Variants in COL4A3 observed in about 807,000 individuals in gnomAD.
COL4A3 encodes collagen type IV alpha 3 chain.
COL4A3 carries 135 observed loss-of-function variants against 217.4 expected under a neutral mutation model. That is an observed-to-expected ratio of 0.62 (90% CI 0.54 to 0.72). The LOEUF is 0.72. Among genes scored for constraint, COL4A3 ranks in the 30% least tolerant of loss-of-function variants. COL4A3 has a pLI of 0.00. For synonymous variants in COL4A3, 690 were observed against 736.3 expected (o/e 0.94, Z 1.02); for missense variants, 1,868 against 2,119.9 (o/e 0.88, Z 2.33).
At chr2:227,302,677 CAAAAAAAA>C (rs56065709) in intron 43 of COL4A3, among the ~76,000 whole-genome samples, 23 of 79,914 alleles carry the variant, frequency 2.9e-4, no homozygotes, top group East Asian at 1.7e-3. Flanking sequence ...ACTCTTTCTC[CAAAAAAAA>C]AAAAAAAAAA....
intron 2 of COL4A3, 33 bp downstream of exon 2, chr2:227,238,057 C>T: frequency 1.5e-6 from 2 of 1,373,544 alleles, no homozygotes; most frequent in Non-Finnish European, 2.1e-6. Context: ...CTTGTTTACA[C>T]TGTAAAGCTC....
chr2:227,266,886 C>T, intron 22 of COL4A3, 107 bp from the exon 23 acceptor site: 1 of 779,438 alleles, frequency 1.3e-6, no homozygotes, highest in Non-Finnish European at 2.3e-6. Flanking sequence ...ATTTTCACTA[C>T]ATAAAAATGT....
Position 227,199,846 on chromosome 2 carries a change from A to G in COL4A3, c.87+35033A>G, listed in dbSNP as rs2066616419. On this transcript the variant is annotated intron_variant, in intron 1 of 51. Coordinates refer to ENST00000396578, the MANE Select transcript of COL4A3 (RefSeq NM_000091.5). ...TAAAAATGTAAAAACAAACAAACAA[A>G]CAAAAAACTAGTCCGAAGGATGGAT... Among the ~76,000 whole-genome samples, 3 of 152,362 alleles carry G rather than the reference A, an allele frequency of 2.0e-5. No individual in the cohort carries two copies. In the South Asian group the frequency reaches 6.2e-4, roughly 32 times the overall value.
rs760203599 is a variant in COL4A3, at chr2:227,266,446, G to C, written c.1345G>C (p.Gly449Arg). The change falls in exon 22 of 52, where the codon GGA becomes CGA. Residue 449 changes from glycine to arginine, a missense_variant. Transcript: ENST00000396578. Reference sequence around the variant, plus strand: ...CATCGTTTTTCGCAAGGGTCCACCTGGAGATCACGGACTGCCAGGCTATCT... The same window carrying C: ...CATCGTTTTTCGCAAGGGTCCACCTCGAGATCACGGACTGCCAGGCTATCT... ...GDIVFRKGPPGDHGLPGYLGS... is the reference protein window; with the variant it reads ...GDIVFRKGPPRDHGLPGYLGS... 3 of 1,614,114 alleles carry C rather than the reference G, an allele frequency of 1.9e-6. No homozygotes were observed. The Admixed American group carries it at 5.0e-5, about 27-fold the overall frequency.
chr2:227,264,111 T>C (rs2070752857), intron 21 of COL4A3, among the ~76,000 whole-genome samples, 167 bp downstream of exon 21: 2 of 152,216 alleles, frequency 1.3e-5, no homozygotes, highest in African/African-American at 4.8e-5. Flanking sequence ...AAGAAACTGA[T>C]GCAATGACTA....
intron 37 of COL4A3, among the ~76,000 whole-genome samples, chr2:227,291,604 A>C (rs890088335): frequency 3.5e-5 from 5 of 144,770 alleles, no homozygotes; most frequent in East Asian, 4.0e-4. Context: ...AAAAAAAAAA[A>C]CACTTGTCTT....
chr2:227,226,918 C>T (rs2068125831), intron 1 of COL4A3, among the ~76,000 whole-genome samples: 1 of 152,222 alleles, frequency 6.6e-6, no homozygotes, highest in Non-Finnish European at 1.5e-5. Context: ...ATGAAGGCTA[C>T]TATGCAGATA....
Position 227,259,853 on chromosome 2 carries a change from C to G in COL4A3, c.1090C>G (p.Pro364Ala), listed in dbSNP as rs756618387. 1 of 1,613,442 alleles carries G rather than the reference C, an allele frequency of 6.2e-7. No individual in the cohort carries two copies. Among genetic ancestry groups the G allele is most frequent in the Non-Finnish European group, 8.5e-7 (1 of 1,179,344 alleles). ...TGAAGGCACTCCAGGCCCACCAGGGCCCAGAGGAGCTCGTGGCCCACAAGG... is the reference window on the plus strand; with the variant it reads ...TGAAGGCACTCCAGGCCCACCAGGGGCCAGAGGAGCTCGTGGCCCACAAGG... Reference protein sequence around the residue: ...GDEGTPGPPGPRGARGPQGPS... With the variant: ...GDEGTPGPPGARGARGPQGPS... The change falls in exon 19 of 52, where the codon CCC becomes GCC. Residue 364 changes from proline (P) to alanine (A), a missense_variant. Physicochemically the swap from Pro to Ala is conservative, Grantham distance 27. Transcript: ENST00000396578.
At position 227,191,528 on chromosome 2, in the gene COL4A3, C is replaced by T. The variant is rs774489317; in HGVS notation, c.87+26715C>T. ...TGGAGCTCCCCTGTTGGCCATTCCC[C>T]GCATCAAGGATTCAAAGAACCTGCC... On this transcript the variant is annotated intron_variant, in intron 1 of 51. Transcript: ENST00000396578. The surrounding 1 kb of genome is among the most constrained non-coding windows in gnomAD (Gnocchi z 6.8). Among the ~76,000 whole-genome samples the T allele has an allele frequency of 1.1e-4, 17 of 152,108 alleles. No individual in the cohort carries two copies. Among genetic ancestry groups the T allele is most frequent in the South Asian group, 2.1e-4 (1 of 4,828 alleles).
At chr2:227,261,225 G>A in intron 20 of COL4A3, 108 bp downstream of exon 20, 1 of 1,005,198 alleles carries the variant, frequency 9.9e-7, no homozygotes, top group Non-Finnish European at 1.5e-6. Context: ...TTCATTAACT[G>A]ATCTAGAAGT....
At chr2:227,237,007 C>T (rs2068740454) in intron 1 of COL4A3, among the ~76,000 whole-genome samples, 1 of 152,130 alleles carries the variant, frequency 6.6e-6, no homozygotes, top group African/African-American at 2.4e-5. Flanking sequence ...TTTATTTGTT[C>T]CTCTGCTGGC....
intron 44 of COL4A3, 67 bp downstream of exon 44, chr2:227,303,177 CA>C: frequency 7.3e-7 from 1 of 1,372,016 alleles, no homozygotes; most frequent in Non-Finnish European, 1.0e-6. Context: ...TTAGGGCACA[CA>C]AGTGTTTGCT....
intron 1 of COL4A3, among the ~76,000 whole-genome samples, chr2:227,234,712 C>T (rs910880691): frequency 2.0e-5 from 3 of 152,174 alleles, no homozygotes; most frequent in African/African-American, 7.2e-5. Flanking sequence ...AGTGTATAGG[C>T]AAAGGGGACC....
At chr2:227,228,668 T>C (rs1474421317) in intron 1 of COL4A3, 1 of 152,150 alleles carries the variant, frequency 6.6e-6, no homozygotes, top group Non-Finnish European at 1.5e-5. Context: ...TCAAGATTAT[T>C]TGGAAATTAT....
At chr2:227,238,073 G>A (rs1408253494) in intron 2 of COL4A3, 49 bp downstream of exon 2, 2 of 1,237,854 alleles carry the variant, frequency 1.6e-6, no homozygotes, top group East Asian at 4.7e-5. Context: ...AGCTCTAGAA[G>A]GTAAAACTCA....
rs2069318071 is a variant in COL4A3, at chr2:227,246,018, T to C, written c.387+2T>C. The C allele has an allele frequency of 6.2e-7, 1 of 1,609,030 alleles. No individual in the cohort carries two copies. The highest frequency in any genetic ancestry group is 1.7e-5 in the Admixed American group (1 of 59,944). On this transcript the variant is annotated splice_donor_variant, in intron 6 of 51. Coordinates refer to ENST00000396578, the MANE Select transcript of COL4A3 (RefSeq NM_000091.5). LOFTEE classifies it high-confidence loss of function. ...GTACCAGGATGCAGTGGTTCTAAGGTAAGTACTTTTCACACAGAAGATGAT... is the reference window on the plus strand; with the variant it reads ...GTACCAGGATGCAGTGGTTCTAAGGCAAGTACTTTTCACACAGAAGATGAT...
chr2:227,165,248 G>A (rs753554820), intron 1 of COL4A3, among the ~76,000 whole-genome samples: 26 of 152,184 alleles, frequency 1.7e-4, no homozygotes, highest in Non-Finnish European at 3.2e-4. Context: ...GGGAGTCCCA[G>A]CCGCCACTTC....
chr2:227,213,685 C>T (rs1309137779), intron 1 of COL4A3, among the ~76,000 whole-genome samples: 1 of 151,906 alleles, frequency 6.6e-6, no homozygotes. Flanking sequence ...AGGCGGATCA[C>T]AAGGTCAGGA....
rs59472907 is a variant in COL4A3, at chr2:227,252,586, G to GCACA, written c.646-678_646-675dup. Among the ~76,000 whole-genome samples the GCACA allele has an allele frequency of 3.8e-3, 560 of 146,384 alleles. 2 individuals carry two copies. Among genetic ancestry groups the GCACA allele is most frequent in the Non-Finnish European group, 4.4e-3 (294 of 66,824 alleles). ...TATTATCTCATTGATACACACAAAT[G>GCACA]CACACACACACACACACACACACAC... On this transcript the variant is annotated intron_variant, in intron 11 of 51. Coordinates refer to ENST00000396578, the MANE Select transcript of COL4A3 (RefSeq NM_000091.5).
Sources: gnomAD v4.1 joint callset for allele counts (sites outside exome capture counted in the v4.1 genomes callset) on GRCh38, gnomAD v4.1.1 for gene constraint, Gnocchi (gnomAD v3.1) non-coding constraint, MANE v1.5 for transcripts, NCBI Gene and HGNC (gene_info 2026-07-23, HGNC 2026-07-21) for gene names.